NELL2: variants seen among roughly 807,000 people sequenced by gnomAD.
The protein encoded by NELL2 is neural EGFL like 2, also known as protein kinase C-binding protein NELL2.
Under a neutral mutation model 109.6 loss-of-function variants are expected in NELL2, and 41 were observed. That is an observed-to-expected ratio of 0.37 (90% CI 0.29 to 0.49). NELL2 has a LOEUF of 0.49. NELL2 is among the 20% of genes least tolerant of loss of function. The pLI is 0.98. For missense variants in NELL2, 900 were observed against 1,008.3 expected (o/e 0.89, Z 1.45); for synonymous variants, 355 against 344.7 (o/e 1.03, Z -0.33).
At chr12:44,602,685 C>CCATGG (rs1181875506) in intron 15 of NELL2, among the ~76,000 whole-genome samples, 1 of 151,840 alleles carries the variant, frequency 6.6e-6, no homozygotes, top group African/African-American at 2.4e-5. Context: ...AAAAGGTATG[C>CCATGG]CATGTCCCAA....
chr12:44,651,500 C>G (rs984064750), intron 13 of NELL2, among the ~76,000 whole-genome samples: 2 of 152,130 alleles, frequency 1.3e-5, no homozygotes, highest in African/African-American at 2.4e-5. Flanking sequence ...TATATTCTCT[C>G]TGTGACTATA....
At chr12:44,644,584 A>ATATATATATATATGTATGTATG (rs1566076998) in intron 13 of NELL2, among the ~76,000 whole-genome samples, 8 of 90,088 alleles carry the variant, frequency 8.9e-5, no homozygotes, top group African/African-American at 5.8e-4. Context: ...AGTAAAGTAT[A>ATATATATATATATGTATGTATG]TATATATATA....
At chr12:44,857,747 A>G (rs1944724537) in intron 2 of NELL2, among the ~76,000 whole-genome samples, 2 of 152,154 alleles carry the variant, frequency 1.3e-5, no homozygotes, top group African/African-American at 4.8e-5. Context: ...GGTTTTCTCA[A>G]TGCTCCCCAA....
intron 2 of NELL2, among the ~76,000 whole-genome samples, chr12:44,836,311 T>C (rs760392280): frequency 9.2e-5 from 14 of 152,220 alleles, no homozygotes; most frequent in Non-Finnish European, 1.9e-4. Context: ...TTCTCTGTCC[T>C]TGTCAGAACT....
chr12:44,564,416 G>A (rs895690061), intron 15 of NELL2, among the ~76,000 whole-genome samples: 2 of 152,146 alleles, frequency 1.3e-5, no homozygotes, highest in African/African-American at 4.8e-5. Flanking sequence ...AGTCTTCAGG[G>A]CTGACTATTT....
chr12:44,799,949 T>C (rs115366235), intron 3 of NELL2, among the ~76,000 whole-genome samples: 1 of 152,282 alleles, frequency 6.6e-6, no homozygotes, highest in African/African-American at 2.4e-5. Flanking sequence ...ACCATCTGTC[T>C]TAGATATTAG....
At chr12:44,716,807 C>T (rs1472741179) in intron 9 of NELL2, among the ~76,000 whole-genome samples, 1 of 151,924 alleles carries the variant, frequency 6.6e-6, no homozygotes, top group Non-Finnish European at 1.5e-5. Context: ...AAATCTTACA[C>T]AGAGGGGAAA....
chr12:44,526,874 T>C (rs1039631526), intron 16 of NELL2, among the ~76,000 whole-genome samples: 2 of 152,244 alleles, frequency 1.3e-5, no homozygotes, highest in African/African-American at 4.8e-5. Flanking sequence ...GAAAATAGGA[T>C]TGGGCCAAAA....
At chr12:44,782,780 T>C (rs1942013792) in intron 3 of NELL2, among the ~76,000 whole-genome samples, 2 of 151,904 alleles carry the variant, frequency 1.3e-5, no homozygotes, top group Non-Finnish European at 2.9e-5. Flanking sequence ...GAATACATGG[T>C]AAAATCCACA....
chr12:44,839,638 G>T (rs1944161290), intron 2 of NELL2, among the ~76,000 whole-genome samples: 1 of 152,126 alleles, frequency 6.6e-6, no homozygotes, highest in Non-Finnish European at 1.5e-5. Flanking sequence ...TTGTCTTTTA[G>T]AATTTTTTTT....
chr12:44,788,364 G>A (rs1353602353), intron 3 of NELL2, among the ~76,000 whole-genome samples: 1 of 152,192 alleles, frequency 6.6e-6, no homozygotes, highest in Non-Finnish European at 1.5e-5. Flanking sequence ...ATGGAAAAGG[G>A]AGATCCTCTT....
At chr12:44,577,789 C>G (rs1944164165) in intron 15 of NELL2, among the ~76,000 whole-genome samples, 2 of 152,044 alleles carry the variant, frequency 1.3e-5, no homozygotes, top group African/African-American at 4.8e-5. Flanking sequence ...AGCCTGCCTT[C>G]TCTTAAAACT....
At chr12:44,874,660 AT>A (rs2136843639) in intron 2 of NELL2, among the ~76,000 whole-genome samples, 2 of 152,324 alleles carry the variant, frequency 1.3e-5, no homozygotes, top group African/African-American at 4.8e-5. Context: ...TGAGACCATT[AT>A]TCCCTTTCTC....
At chr12:44,770,609 A>G (rs1941509332) in intron 9 of NELL2, among the ~76,000 whole-genome samples, 1 of 152,230 alleles carries the variant, frequency 6.6e-6, no homozygotes, top group Non-Finnish European at 1.5e-5. Flanking sequence ...TTATATACTG[A>G]AACTCTGACC....
intron 12 of NELL2, among the ~76,000 whole-genome samples, chr12:44,680,306 T>C (rs956565906): frequency 1.4e-4 from 22 of 152,132 alleles, no homozygotes; most frequent in African/African-American, 5.1e-4. Flanking sequence ...ATGTTTAATG[T>C]TGATTAGGAA....
At chr12:44,532,059 T>C (rs1166194436) in intron 16 of NELL2, among the ~76,000 whole-genome samples, 1 of 152,208 alleles carries the variant, frequency 6.6e-6, no homozygotes, top group Admixed American at 6.5e-5. Flanking sequence ...GATTGAAAAC[T>C]TAATGGAATC....
chr12:44,625,129 CT>C (rs758144340), intron 13 of NELL2, among the ~76,000 whole-genome samples: 2 of 151,124 alleles, frequency 1.3e-5, no homozygotes, highest in African/African-American at 2.4e-5. Flanking sequence ...AATATTTACT[CT>C]CTGTCACTAC....
intron 1 of NELL2, among the ~76,000 whole-genome samples, chr12:44,892,723 G>A (rs1055076903): frequency 2.7e-5 from 4 of 150,384 alleles, no homozygotes; most frequent in African/African-American, 4.9e-5. Flanking sequence ...GCGTGAACCC[G>A]GGAGGCGGAG....
intron 1 of NELL2, among the ~76,000 whole-genome samples, chr12:44,886,876 T>A (rs1945479584): frequency 6.6e-6 from 1 of 151,580 alleles, no homozygotes; most frequent in South Asian, 2.1e-4. Context: ...TGAGATCTAT[T>A]TTTTTTTAGC....
Sources: allele counts gnomAD v4.1 joint callset (sites outside exome capture counted in the v4.1 genomes callset), GRCh38; gene constraint gnomAD v4.1.1; transcripts MANE v1.5; gene names NCBI Gene and HGNC (gene_info 2026-07-23, HGNC 2026-07-21).